GTF2A1L: variants seen among roughly 807,000 people sequenced by gnomAD.
GTF2A1L encodes the protein general transcription factor IIA subunit 1 like, also known as TFIIA-alpha and beta-like factor.
A neutral mutation model predicts 49.7 loss-of-function variants in GTF2A1L; 48 were observed. The observed-to-expected ratio is 0.97, with a 90% CI of 0.77 to 1.23. The LOEUF (loss-of-function observed/expected upper bound fraction) is 1.23. Among genes scored for constraint, GTF2A1L ranks in the 50% most tolerant of loss-of-function variants. The pLI is 0.00. For missense variants in GTF2A1L, 736 were observed against 564.8 expected, an observed-to-expected ratio of 1.30 and a Z score of -3.07; for synonymous variants, 246 against 193.5, an observed-to-expected ratio of 1.27 and a Z score of -2.25.
At chr2:48,643,022 G>C (rs1177510649) in intron 4 of GTF2A1L, among the ~76,000 whole-genome samples, 2 of 152,128 alleles carry the variant, frequency 1.3e-5, no homozygotes, top group Non-Finnish European at 2.9e-5. Flanking sequence ...ACAAGGTTAG[G>C]AAATGTCTGA....
At chr2:48,626,138 C>G (rs983001468) in intron 3 of GTF2A1L, among the ~76,000 whole-genome samples, 1 of 144,004 alleles carries the variant, frequency 6.9e-6, no homozygotes, top group Non-Finnish European at 1.6e-5. Context: ...ATCCTTTCCC[C>G]ATTGTGTCCT....
chr2:48,624,774 T>A (rs1480454853), intron 3 of GTF2A1L, among the ~76,000 whole-genome samples: 1 of 130,860 alleles, frequency 7.6e-6, no homozygotes, highest in Non-Finnish European at 1.7e-5. Flanking sequence ...TTTTTTTTTT[T>A]AACATATAAA....
Position 48,669,906 on chromosome 2 carries a change from C to G in GTF2A1L, c.1163C>G (p.Ala388Gly). The change falls in exon 7 of 9, where the codon GCT (alanine) becomes GGT (glycine). Residue 388 changes from alanine to glycine, a missense_variant. Transcript: ENST00000403751. ...GGDLKVPEEE[A>G]DSISNEDSAT... is the part of the protein sequence containing the mutation. ...GATCTGAAGGTACCTGAAGAAGAAGCTGACAGTATTTCAAATGAGGATTCA... is the reference window on the plus strand; with the variant it reads ...GATCTGAAGGTACCTGAAGAAGAAGGTGACAGTATTTCAAATGAGGATTCA... 3.7e-6 allele frequency: 6 copies of G among 1,614,008 alleles called. No homozygotes were observed. The highest frequency in any genetic ancestry group is 5.1e-6 in the Non-Finnish European group (6 of 1,179,996).
rs5830998 is a variant in GTF2A1L at position 48,677,978 on chromosome 2, G to GGTGTGTGT, written c.1330-1332_1330-1325dup. Reference sequence around the variant, plus strand: ...TGTCATAGTTGTAAACTCTGAGATGGGTGTGTGTGTGTGTGTGTGTGTGTG... The same window carrying GGTGTGTGT: ...TGTCATAGTTGTAAACTCTGAGATGGGTGTGTGTGTGTGTGTGTGTGTGTGTGTGTGTG... On this transcript the variant is annotated intron_variant, in intron 8 of 8. Transcript: ENST00000403751. Among the ~76,000 whole-genome samples, 131 of 148,032 alleles carry GGTGTGTGT rather than the reference G, an allele frequency of 8.8e-4. 3 individuals are homozygous for GGTGTGTGT. The highest frequency in any genetic ancestry group is 3.0e-3 in the African/African-American group (120 of 40,270).
At chr2:48,632,392 T>G (rs1676628670) in intron 3 of GTF2A1L, 1 of 141,500 alleles carries the variant, frequency 7.1e-6, no homozygotes, top group Non-Finnish European at 1.5e-5. Flanking sequence ...AAGTTTTTTG[T>G]TTTTTTTTTT....
chr2:48,645,585 G>C (rs539446245), intron 5 of GTF2A1L, among the ~76,000 whole-genome samples: 42 of 152,274 alleles, frequency 2.8e-4, no homozygotes, highest in South Asian at 8.3e-4. Context: ...TGATTTTGAA[G>C]AGGATCATAC....
chr2:48,662,827 C>T (rs1168845653), intron 6 of GTF2A1L, among the ~76,000 whole-genome samples: 1 of 151,842 alleles, frequency 6.6e-6, no homozygotes, highest in Non-Finnish European at 1.5e-5. Flanking sequence ...TTCCAACTAC[C>T]ACATGTTCTC....
At chr2:48,659,104 C>G (rs1400137248) in intron 6 of GTF2A1L, among the ~76,000 whole-genome samples, 1 of 152,040 alleles carries the variant, frequency 6.6e-6, no homozygotes, top group Non-Finnish European at 1.5e-5. Flanking sequence ...ACTTTTTTCT[C>G]TAGTTGCCTT....
intron 1 of GTF2A1L, among the ~76,000 whole-genome samples, chr2:48,619,025 T>C (rs1675823237): frequency 6.6e-6 from 1 of 152,228 alleles, no homozygotes; most frequent in South Asian, 2.1e-4. Context: ...TTTATCAGGA[T>C]AAACTGTTTT....
rs759676538 is a variant in GTF2A1L, at chr2:48,646,579, T to G, written c.515T>G (p.Val172Gly). 2 of 1,614,178 alleles carry G rather than the reference T, an allele frequency of 1.2e-6. No homozygotes were observed. The highest frequency in any genetic ancestry group is 1.7e-6 in the Non-Finnish European group (2 of 1,180,042). Residue 172 changes from valine to glycine, a missense_variant, in exon 6 of 9, where the codon GTT becomes GGT. Coordinates refer to ENST00000403751, the MANE Select transcript of GTF2A1L (RefSeq NM_006872.5). ...CAGCCTTCAGTAATACAAACTAGTG[T>G]TCCACAATTGAATCCATGGTCTCTT... is the stretch of plus-strand genomic sequence containing the variant. ...LGQPSVIQTS[V>G]PQLNPWSLQA...
intron 3 of GTF2A1L, 159 bp downstream of exon 3, chr2:48,621,449 G>A: frequency 3.2e-6 from 3 of 938,990 alleles, no homozygotes; most frequent in Non-Finnish European, 2.9e-6. Context: ...ATTGCCCCAT[G>A]TAATTATTGA....
In GTF2A1L at chr2:48,655,576, T is replaced by C. The variant is rs532746418; in HGVS notation, c.978+8534T>C. Among the ~76,000 whole-genome samples the C allele has an allele frequency of 7.2e-5, 11 of 152,312 alleles. No homozygotes were observed. The East Asian group carries it at 1.9e-3, about 27-fold the overall frequency. ...ATTGCCACAATATTTTAAAAAGAGG[T>C]TGTGCCAGTTTTTCCTGCCACCAGT... On this transcript the variant is annotated intron_variant, in intron 6 of 8. Transcript: ENST00000403751.
chr2:48,647,381 C>A (rs766432742), intron 6 of GTF2A1L, among the ~76,000 whole-genome samples: 1 of 152,020 alleles, frequency 6.6e-6, no homozygotes, highest in Non-Finnish European at 1.5e-5. Context: ...CTAAATTTTT[C>A]ATTTCAATAA....
intron 3 of GTF2A1L, chr2:48,633,093 C>T: frequency 3.7e-6 from 1 of 270,540 alleles, no homozygotes; most frequent in South Asian, 4.9e-5. Context: ...TGATGTACTT[C>T]TTGTAGGCTT....
At chr2:48,618,245 G>A in intron 1 of GTF2A1L, 1 of 274,260 alleles carries the variant, frequency 3.6e-6, no homozygotes, top group Non-Finnish European at 6.9e-6. Context: ...TAATTTTACC[G>A]TGGACATTGT....
chr2:48,647,565 T>C lies in GTF2A1L; in HGVS notation c.978+523T>C, dbSNP rs139322855. Among the ~76,000 whole-genome samples, 115 of 152,188 alleles carry C rather than the reference T, an allele frequency of 7.6e-4. 2 individuals are homozygous for C. In the East Asian group the frequency reaches 0.021, roughly 27 times the overall value. On this transcript the variant is annotated intron_variant, in intron 6 of 8. Transcript: ENST00000403751. The stretch of plus-strand genomic sequence containing the variant: ...AGATAATTAATTATCAAATGTAATA[T>C]ACAAAAGAAGCCCACAAAGTTTTTT...
intron 8 of GTF2A1L, among the ~76,000 whole-genome samples, chr2:48,676,334 G>A (rs915764692): frequency 6.6e-6 from 1 of 151,758 alleles, no homozygotes; most frequent in African/African-American, 2.4e-5. Flanking sequence ...TTTTCATAAT[G>A]TGTGCAGATA....
intron 6 of GTF2A1L, among the ~76,000 whole-genome samples, chr2:48,659,213 G>T (rs1255564294): frequency 6.6e-6 from 1 of 152,014 alleles, no homozygotes; most frequent in African/African-American, 2.4e-5. Flanking sequence ...TCAATTTCTT[G>T]TATTTGGATG....
At chr2:48,660,680 C>A (rs1678442044) in intron 6 of GTF2A1L, among the ~76,000 whole-genome samples, 1 of 151,786 alleles carries the variant, frequency 6.6e-6, no homozygotes, top group South Asian at 2.1e-4. Context: ...TCTCTGTCGC[C>A]CAGGCTGAAG....
Sources: gnomAD v4.1 joint callset for allele counts (sites outside exome capture counted in the v4.1 genomes callset) on GRCh38, gnomAD v4.1.1 for gene constraint, MANE v1.5 for transcripts, NCBI Gene and HGNC (gene_info 2026-07-23, HGNC 2026-07-21) for gene names.